The following CDH4 variants were observed in gnomAD, a reference collection of about 807,000 sequenced individuals.
CDH4 encodes cadherin 4.
A neutral mutation model predicts 86.0 loss-of-function variants in CDH4; 33 were observed. The observed-to-expected ratio is 0.38, with a 90% CI of 0.29 to 0.51. The LOEUF is 0.51. Among genes scored for constraint, CDH4 ranks in the 20% least tolerant of loss-of-function variants. The pLI is 0.86. For missense variants in CDH4, 1,114 were observed against 1,307.4 expected (o/e 0.85, Z 2.28); for synonymous variants, 555 against 549.4 (o/e 1.01, Z -0.14).
intron 2 of CDH4, among the ~76,000 whole-genome samples, chr20:61,275,651 G>A (rs1449571700): frequency 5.2e-5 from 6 of 114,918 alleles, no homozygotes; most frequent in Admixed American, 9.5e-5. Flanking sequence ...GTTTGGGAGA[G>A]TACCATGCGC....
At chr20:61,452,174 T>G (rs1289073740) in intron 2 of CDH4, among the ~76,000 whole-genome samples, 3 of 152,126 alleles carry the variant, frequency 2.0e-5, no homozygotes, top group Admixed American at 1.3e-4. Flanking sequence ...AGCAATAGCC[T>G]TTCACCTTCC....
rs1295096154 is a variant in CDH4, at chr20:61,393,657, C to A, written c.169+138720C>A. Among the ~76,000 whole-genome samples the A allele has an allele frequency of 6.6e-6, 1 of 152,104 alleles. No homozygotes were observed. Among genetic ancestry groups the A allele is most frequent in the Admixed American group, 6.5e-5 (1 of 15,272 alleles). ...AAAGCATAGTGGTTGCAGCGAGGATCATCGAAGTAGACCTGGCTGGGTGAG... is the reference window on the plus strand; with the variant it reads ...AAAGCATAGTGGTTGCAGCGAGGATAATCGAAGTAGACCTGGCTGGGTGAG... On this transcript the variant is annotated intron_variant, in intron 2 of 15. Transcript: ENST00000614565. This position sits in a 1 kb window ranked among gnomAD's most constrained non-coding sequence, Gnocchi z 4.3.
chr20:61,590,158 C>T (rs535942472), intron 2 of CDH4, among the ~76,000 whole-genome samples: 100 of 90,680 alleles, frequency 1.1e-3, no homozygotes, highest in African/African-American at 4.0e-3. Flanking sequence ...GGGAGATGGA[C>T]GTGGAGGGAT....
chr20:61,344,136 A>G (rs2084664192), intron 2 of CDH4, among the ~76,000 whole-genome samples: 1 of 152,096 alleles, frequency 6.6e-6, no homozygotes, highest in African/African-American at 2.4e-5. Flanking sequence ...AGCACTAATG[A>G]GGACTGGGGA....
chr20:61,527,255 C>CTT (rs112861416), intron 2 of CDH4, among the ~76,000 whole-genome samples: 10 of 146,430 alleles, frequency 6.8e-5, no homozygotes, highest in East Asian at 2.0e-4. Flanking sequence ...AACATAAGAG[C>CTT]TTTTTTTTTT....
intron 3 of CDH4, among the ~76,000 whole-genome samples, chr20:61,760,496 C>T (rs919933526): frequency 1.3e-5 from 2 of 152,250 alleles, no homozygotes; most frequent in Non-Finnish European, 2.9e-5. Context: ...GCCTGAGTTC[C>T]AACTGGCCTC....
intron 12 of CDH4, 71 bp downstream of exon 12, chr20:61,928,494 C>A: frequency 7.2e-7 from 1 of 1,383,308 alleles, no homozygotes; most frequent in Non-Finnish European, 1.0e-6. Flanking sequence ...ACCCAGCTGG[C>A]CTTGGAAGAG....
chr20:61,695,032 G>A (rs1275603182), intron 2 of CDH4, among the ~76,000 whole-genome samples: 1 of 152,220 alleles, frequency 6.6e-6, no homozygotes, highest in Non-Finnish European at 1.5e-5. Context: ...CTTTGGATAG[G>A]TGCAGAAAAT....
At position 61,877,022 on chromosome 20, in the gene CDH4, G is replaced by A. The variant is rs567902996; in HGVS notation, c.1050+3122G>A. 2.4e-3 allele frequency among the ~76,000 whole-genome samples: 360 copies of A among 152,284 alleles called. 1 individual carries two copies. The highest frequency in any genetic ancestry group is 8.2e-3 in the African/African-American group (342 of 41,562). ...CCTTGGGAGGGATCAAGAGCGCCAC[G>A]GAGCCCACGACCCCCTGGGGTTCCC... On this transcript the variant is annotated intron_variant, in intron 7 of 15. Transcript: ENST00000614565.
At chr20:61,614,442 T>C (rs1014298794) in intron 2 of CDH4, among the ~76,000 whole-genome samples, 3 of 152,038 alleles carry the variant, frequency 2.0e-5, no homozygotes, top group Admixed American at 1.3e-4. Context: ...CAAATTGTGT[T>C]CTGGGAGCCA....
chr20:61,421,532 A>G (rs1321177152), intron 2 of CDH4, among the ~76,000 whole-genome samples: 2 of 152,322 alleles, frequency 1.3e-5, no homozygotes, highest in African/African-American at 4.8e-5. Context: ...AGGGTGTTTC[A>G]TGGCTGAACG....
At chr20:61,917,129 G>A (rs943887940) in intron 9 of CDH4, among the ~76,000 whole-genome samples, 1 of 152,202 alleles carries the variant, frequency 6.6e-6, no homozygotes, top group Non-Finnish European at 1.5e-5. Flanking sequence ...ACGTCATCCA[G>A]ATCTGTCCTG....
intron 2 of CDH4, among the ~76,000 whole-genome samples, chr20:61,425,402 G>A (rs1255420710): frequency 1.3e-5 from 2 of 152,300 alleles, no homozygotes; most frequent in African/African-American, 2.4e-5. Context: ...GTGGAGGGGC[G>A]GGCCTTCAGG....
At position 61,929,868 on chromosome 20, in the gene CDH4, G is replaced by A. The variant is rs750831250; in HGVS notation, c.2239+26G>A. On this transcript the variant is annotated intron_variant, in intron 13 of 15. Transcript: ENST00000614565. ...GTGAGTGTGGCTGAGCACCAGGGTG[G>A]GCAGGGGCATTGTGGGTATGAGTGC... 2.1e-5 allele frequency: 33 copies of A among 1,591,732 alleles called. No homozygotes were observed. In the African/African-American group the frequency reaches 3.6e-4, roughly 17 times the overall value.
intron 2 of CDH4, among the ~76,000 whole-genome samples, chr20:61,475,407 C>T (rs1370232457): frequency 6.8e-6 from 1 of 146,584 alleles, no homozygotes; most frequent in African/African-American, 2.5e-5. Flanking sequence ...CTCAGTGACC[C>T]TGCCTCCAGC....
At chr20:61,840,857 C>T (rs1162704603) in intron 4 of CDH4, among the ~76,000 whole-genome samples, 1 of 152,222 alleles carries the variant, frequency 6.6e-6, no homozygotes, top group South Asian at 2.1e-4. Flanking sequence ...CACCCGCAGC[C>T]ACCCGCTGCC....
chr20:61,752,732 A>G (rs1035353955), intron 3 of CDH4, among the ~76,000 whole-genome samples: 6 of 152,228 alleles, frequency 3.9e-5, no homozygotes, highest in African/African-American at 1.4e-4. Context: ...AAGCCAGCGA[A>G]TCTCACAAAC....
chr20:61,830,572 G>A (rs553901151), intron 4 of CDH4, among the ~76,000 whole-genome samples: 26 of 152,286 alleles, frequency 1.7e-4, no homozygotes, highest in African/African-American at 6.3e-4. Context: ...GATCTGCAGC[G>A]GCCCCGCCTC....
intron 6 of CDH4, among the ~76,000 whole-genome samples, chr20:61,861,087 G>A (rs993101539): frequency 2.0e-5 from 3 of 152,150 alleles, no homozygotes; most frequent in Admixed American, 6.5e-5. Flanking sequence ...TCACGCACCC[G>A]CACCTGCCTC....
Sources: allele counts gnomAD v4.1 joint callset (sites outside exome capture counted in the v4.1 genomes callset), GRCh38; gene constraint gnomAD v4.1.1; non-coding constraint Gnocchi (gnomAD v3.1); transcripts MANE v1.5; gene names NCBI Gene and HGNC (gene_info 2026-07-23, HGNC 2026-07-21).